PON2: variants seen among roughly 807,000 people sequenced by gnomAD.
PON2 encodes the protein serum paraoxonase/arylesterase 2.
In PON2, 27 loss-of-function variants were observed where a neutral mutation model predicts 36.6. That is an observed-to-expected ratio of 0.74 (90% CI 0.54 to 1.02). PON2 has a LOEUF of 1.02. PON2 is among the 50% of genes least tolerant of loss of function. The pLI, the probability that PON2 is intolerant of heterozygous loss-of-function variation, is 0.00. For missense variants in PON2, 363 were observed against 421.1 expected, an observed-to-expected ratio of 0.86 and a Z score of 1.21; for synonymous variants, 149 against 156.3, an observed-to-expected ratio of 0.95 and a Z score of 0.35.
intron 6 of PON2, among the ~76,000 whole-genome samples, chr7:95,409,187 C>T (rs770903949): frequency 6.6e-6 from 1 of 152,102 alleles, no homozygotes; most frequent in Non-Finnish European, 1.5e-5. Flanking sequence ...TGGCGCATGC[C>T]TATAATCCCA....
chr7:95,420,812 C>T (rs561300467), intron 2 of PON2, among the ~76,000 whole-genome samples: 3 of 152,192 alleles, frequency 2.0e-5, no homozygotes, highest in South Asian at 2.1e-4. Flanking sequence ...GTCACTTTTG[C>T]CTGTATAGAA....
chr7:95,406,393 T>C, intron 7 of PON2, 146 bp from the exon 8 acceptor site: 1 of 899,366 alleles, frequency 1.1e-6, no homozygotes, highest in Non-Finnish European at 1.7e-6. Flanking sequence ...TTAAAAGGAA[T>C]GTATTAAAAA....
chr7:95,431,099 A>G (rs1439641634), intron 1 of PON2, among the ~76,000 whole-genome samples: 1 of 151,776 alleles, frequency 6.6e-6, no homozygotes, highest in Non-Finnish European at 1.5e-5. Flanking sequence ...TGACACCAGG[A>G]ACTGGCCTGG....
intron 1 of PON2, among the ~76,000 whole-genome samples, chr7:95,425,751 A>G (rs1380312641): frequency 1.3e-5 from 2 of 151,852 alleles, no homozygotes; most frequent in African/African-American, 4.9e-5. Context: ...AATTCATATC[A>G]GACATAAAGT....
At chr7:95,419,715 C>A (rs1789150202) in intron 2 of PON2, among the ~76,000 whole-genome samples, 1 of 151,978 alleles carries the variant, frequency 6.6e-6, no homozygotes, top group Admixed American at 6.6e-5. Flanking sequence ...AAAAAATCTA[C>A]ATAAATTTTC....
At chr7:95,429,907 G>C (rs1437193357) in intron 1 of PON2, among the ~76,000 whole-genome samples, 3 of 152,188 alleles carry the variant, frequency 2.0e-5, no homozygotes, top group African/African-American at 7.2e-5. Context: ...TCCACTGGCA[G>C]AGAAGCTAGA....
chr7:95,421,337 T>G (rs17876106), intron 2 of PON2, among the ~76,000 whole-genome samples: 2,577 of 152,352 alleles, frequency 0.017, 92 homozygotes, highest in African/African-American at 0.059. Context: ...ACTCTGAGAC[T>G]TGTATTCACA....
chr7:95,420,699 G>A (rs572901875), intron 2 of PON2, among the ~76,000 whole-genome samples: 1 of 152,262 alleles, frequency 6.6e-6, no homozygotes, highest in South Asian at 2.1e-4. Flanking sequence ...AAGGGCAAGG[G>A]GGAAGGAAGG....
At chr7:95,414,622 C>T (rs1254270545) in intron 3 of PON2, among the ~76,000 whole-genome samples, 2 of 152,038 alleles carry the variant, frequency 1.3e-5, no homozygotes, top group African/African-American at 4.8e-5. Context: ...CCTTGCAAAA[C>T]AACAACAAAA....
rs990487501 is a variant in PON2, at chr7:95,423,938, A to T, written c.145+577T>A. Reference sequence around the variant, plus strand: ...TATAAAACCATCAGATCTCATGAGAACTCACTCACTATCACGAGAACAGCA... The same window carrying T: ...TATAAAACCATCAGATCTCATGAGATCTCACTCACTATCACGAGAACAGCA... On this transcript the variant is annotated intron_variant, in intron 2 of 8. Coordinates refer to ENST00000222572, the MANE Select transcript of PON2 (RefSeq NM_000305.3). 3.3e-5 allele frequency among the ~76,000 whole-genome samples: 5 copies of T among 152,174 alleles called. 1 individual carries two copies. Among genetic ancestry groups the T allele is most frequent in the African/African-American group, 1.2e-4 (5 of 41,490 alleles).
intron 1 of PON2, among the ~76,000 whole-genome samples, chr7:95,432,725 T>C (rs1480413158): frequency 1.3e-5 from 2 of 152,194 alleles, no homozygotes; most frequent in Non-Finnish European, 2.9e-5. Context: ...TAGAGCACAA[T>C]GGGCATTACC....
intron 3 of PON2, among the ~76,000 whole-genome samples, chr7:95,414,816 G>C (rs1271356413): frequency 6.6e-6 from 1 of 152,140 alleles, no homozygotes; most frequent in African/African-American, 2.4e-5. Flanking sequence ...TATTCATTCT[G>C]TGTAGGCAAT....
At chr7:95,406,062 AT>A (rs1412284426) in intron 8 of PON2, 56 bp downstream of exon 8, 1 of 1,528,316 alleles carries the variant, frequency 6.5e-7, no homozygotes, top group Non-Finnish European at 9.0e-7. Context: ...AATTTATTGT[AT>A]TATTAGTTCA....
intron 2 of PON2, 130 bp downstream of exon 2, chr7:95,424,385 G>C: frequency 1.3e-6 from 1 of 745,544 alleles, no homozygotes. Flanking sequence ...TGACCAAAGA[G>C]GTTTTTGTTG....
intron 2 of PON2, among the ~76,000 whole-genome samples, chr7:95,422,426 C>T (rs1316482902): frequency 6.6e-6 from 1 of 152,062 alleles, no homozygotes; most frequent in Non-Finnish European, 1.5e-5. Context: ...CATTTTATAT[C>T]TTTCTATATT....
chr7:95,407,198 A>ATC, intron 6 of PON2, 130 bp from the exon 7 acceptor site: 2 of 587,720 alleles, frequency 3.4e-6, no homozygotes, highest in East Asian at 5.8e-5. Flanking sequence ...AATGCTTGAT[A>ATC]AAGGTCAATT....
chr7:95,425,724 C>T (rs866500726), intron 1 of PON2, among the ~76,000 whole-genome samples: 1 of 152,072 alleles, frequency 6.6e-6, no homozygotes, highest in African/African-American at 2.4e-5. Context: ...TAGGTTGTAC[C>T]AACTACACAT....
chr7:95,430,899 T>A (rs202179749), intron 1 of PON2, among the ~76,000 whole-genome samples: 5 of 143,844 alleles, frequency 3.5e-5, no homozygotes, highest in African/African-American at 1.0e-4. Context: ...GATGGTGGTT[T>A]AAAAAAAAAA....
intron 3 of PON2, chr7:95,415,365 A>G (rs1350818012): frequency 6.6e-6 from 1 of 152,184 alleles, no homozygotes; most frequent in African/African-American, 2.4e-5. Context: ...AAGTCTTTCT[A>G]TTGTATACCC....
Sources: allele counts gnomAD v4.1 joint callset (sites outside exome capture counted in the v4.1 genomes callset), GRCh38; gene constraint gnomAD v4.1.1; transcripts MANE v1.5; gene names NCBI Gene and HGNC (gene_info 2026-07-23, HGNC 2026-07-21).